The following REPS2 variants were observed in gnomAD, a reference collection of about 807,000 sequenced individuals.
REPS2 encodes the protein RALBP1 associated Eps domain containing 2.
REPS2 carries 23 observed loss-of-function variants against 53.6 expected under a neutral mutation model. The observed-to-expected ratio is 0.43, with a 90% CI of 0.31 to 0.61. The LOEUF (loss-of-function observed/expected upper bound fraction) is 0.61. Ranked by LOEUF, REPS2 falls within the 20% of genes least tolerant of loss-of-function variation. The pLI is 0.11. For missense variants in REPS2, 446 were observed against 534.9 expected, an observed-to-expected ratio of 0.83 and a Z score of 1.64; for synonymous variants, 238 against 218.6, an observed-to-expected ratio of 1.09 and a Z score of -0.78.
chrX:17,110,842 C>T (rs1298320492), intron 14 of REPS2, among the ~76,000 whole-genome samples: 3 of 110,963 alleles, frequency 2.7e-5, no homozygotes, highest in African/African-American at 9.9e-5. Context: ...GGTGAAACCC[C>T]ATCTCTACTA....
chrX:17,081,309 T>A (rs1439614394), intron 13 of REPS2, among the ~76,000 whole-genome samples: 1 of 110,285 alleles, frequency 9.1e-6, no homozygotes, highest in African/African-American at 3.3e-5. Flanking sequence ...AAGGGAAAGA[T>A]GGGATGGTTG....
intron 1 of REPS2, among the ~76,000 whole-genome samples, chrX:16,959,261 G>A (rs1021864606): frequency 1.8e-5 from 2 of 111,669 alleles, no homozygotes; most frequent in African/African-American, 6.5e-5. Context: ...CACTATGCTC[G>A]GCTGATTTTT....
At chrX:16,966,858 G>A (rs1371278566) in intron 1 of REPS2, among the ~76,000 whole-genome samples, 1 of 112,443 alleles carries the variant, frequency 8.9e-6, no homozygotes, top group Non-Finnish European at 1.9e-5. Flanking sequence ...AACATTTTAT[G>A]TATTAACTAA....
At chrX:16,971,413 T>A (rs988075759) in intron 1 of REPS2, among the ~76,000 whole-genome samples, 1 of 112,616 alleles carries the variant, frequency 8.9e-6, no homozygotes, top group Non-Finnish European at 1.9e-5. Context: ...ATACATATAA[T>A]ACATATTTTA....
At chrX:17,005,872 GTGACTT>G (rs2061357036) in intron 1 of REPS2, among the ~76,000 whole-genome samples, 1 of 111,903 alleles carries the variant, frequency 8.9e-6, no homozygotes, top group African/African-American at 3.3e-5. Flanking sequence ...TTTCACCCCA[GTGACTT>G]TCTAGACTTT....
At chrX:17,185,167 C>T in the REPS2 span, among the ~76,000 whole-genome samples, 1 of 110,643 alleles carries the variant, frequency 9.0e-6, no homozygotes. Context: ...TAATGGTCTT[C>T]GTTGGGAAGG....
chrX:16,952,466 G>A lies in REPS2; in HGVS notation c.273+5332G>A, dbSNP rs780802566. On this transcript the variant is annotated intron_variant, in intron 1 of 17. Coordinates refer to ENST00000357277, the MANE Select transcript of REPS2 (RefSeq NM_004726.3). Reference sequence around the variant, plus strand: ...AAACACTGTTGCTTCCATATCAAGGGAAATCACTGAATGATTAAAAAAAAC... The same window carrying A: ...AAACACTGTTGCTTCCATATCAAGGAAAATCACTGAATGATTAAAAAAAAC... Among the ~76,000 whole-genome samples, 12 of 111,903 alleles carry A rather than the reference G, an allele frequency of 1.1e-4. No individual in the cohort carries two copies. In the East Asian group the frequency reaches 3.4e-3, roughly 31 times the overall value.
chrX:17,003,968 T>C, intron 1 of REPS2, among the ~76,000 whole-genome samples: 1 of 111,970 alleles, frequency 8.9e-6, no homozygotes, highest in East Asian at 2.8e-4. Context: ...CCCAGCCATT[T>C]AGTGTACATC....
chrX:17,145,593 C>T (rs142671180), intron 17 of REPS2, among the ~76,000 whole-genome samples: 63 of 111,250 alleles, frequency 5.7e-4, no homozygotes, highest in African/African-American at 2.0e-3. Context: ...CAAGTCCTAC[C>T]AGTTCTAGAT....
intron 14 of REPS2, among the ~76,000 whole-genome samples, chrX:17,115,785 G>A (rs1158297093): frequency 1.8e-5 from 2 of 112,243 alleles, no homozygotes; most frequent in African/African-American, 6.5e-5. Context: ...ATCTTGCACC[G>A]CCCTTAATCC....
chrX:17,004,560 A>C, intron 1 of REPS2, among the ~76,000 whole-genome samples: 1 of 110,635 alleles, frequency 9.0e-6, no homozygotes, highest in South Asian at 3.8e-4. Flanking sequence ...AAAGTAACCT[A>C]TGGGCTTAAC....
intron 5 of REPS2, among the ~76,000 whole-genome samples, chrX:17,043,115 G>C (rs767715378): frequency 1.1e-4 from 12 of 111,416 alleles, no homozygotes; most frequent in Non-Finnish European, 1.1e-4. Flanking sequence ...TATTTTTTAA[G>C]ACGCTCAAAT....
intron 5 of REPS2, among the ~76,000 whole-genome samples, chrX:17,036,737 G>C (rs1349277239): frequency 2.7e-5 from 3 of 111,817 alleles, no homozygotes; most frequent in African/African-American, 6.5e-5. Flanking sequence ...CACTGTGTGT[G>C]TGCGTTGATC....
the REPS2 span, among the ~76,000 whole-genome samples, chrX:17,159,645 A>G: frequency 9.0e-6 from 1 of 111,495 alleles, no homozygotes; most frequent in Non-Finnish European, 1.9e-5. Flanking sequence ...AGTGCCCCCC[A>G]GCCCCCCAAT....
chrX:17,119,504 C>T (rs144044983), intron 14 of REPS2, among the ~76,000 whole-genome samples: 198 of 112,051 alleles, frequency 1.8e-3, no homozygotes, highest in African/African-American at 6.0e-3. Flanking sequence ...CAGATGTTAA[C>T]GGAATGTGCT....
intron 8 of REPS2, among the ~76,000 whole-genome samples, chrX:17,061,158 A>G (rs928118924): frequency 8.9e-6 from 1 of 112,570 alleles, no homozygotes; most frequent in African/African-American, 3.2e-5. Context: ...AATTCAGACC[A>G]GAGTAAGCAA....
intron 1 of REPS2, among the ~76,000 whole-genome samples, chrX:16,968,874 T>C (rs1490426665): frequency 9.6e-6 from 1 of 104,633 alleles, no homozygotes; most frequent in Admixed American, 1.0e-4. Flanking sequence ...GCGGAGACGT[T>C]CCTCACTTCC....
intron 11 of REPS2, among the ~76,000 whole-genome samples, chrX:17,073,689 A>G (rs1366759010): frequency 1.9e-5 from 2 of 107,785 alleles, no homozygotes; most frequent in East Asian, 5.8e-4. Flanking sequence ...TTTTTTTAAA[A>G]CGTGTAGTTA....
At chrX:16,954,658 A>G (rs779088064) in intron 1 of REPS2, among the ~76,000 whole-genome samples, 17 of 111,201 alleles carry the variant, frequency 1.5e-4, no homozygotes, top group Non-Finnish European at 2.4e-4. Context: ...AGGGAGATTG[A>G]AAAAGTAACC....
Sources: gnomAD v4.1 joint callset for allele counts (sites outside exome capture counted in the v4.1 genomes callset) on GRCh38, gnomAD v4.1.1 for gene constraint, MANE v1.5 for transcripts, NCBI Gene and HGNC (gene_info 2026-07-23, HGNC 2026-07-21) for gene names.